The following GRM7 variants were observed in gnomAD, a reference collection of about 807,000 sequenced individuals.
GRM7 encodes the protein metabotropic glutamate receptor 7.
A neutral mutation model predicts 84.5 loss-of-function variants in GRM7; 35 were observed. The ratio of observed to expected loss-of-function variants is 0.41; its 90% CI spans 0.32 to 0.55. The LOEUF (loss-of-function observed/expected upper bound fraction) is 0.55, where lower values mean the gene tolerates loss of function less well. GRM7 is among the 20% of genes least tolerant of loss of function. The pLI is 0.19. For missense variants in GRM7, 1,003 were observed against 1,194.6 expected, an observed-to-expected ratio of 0.84 and a Z score of 2.36; for synonymous variants, 487 against 455.1, an observed-to-expected ratio of 1.07 and a Z score of -0.89.
chr3:6,881,663 A>C (rs1391870878), intron 1 of GRM7, among the ~76,000 whole-genome samples: 1 of 145,716 alleles, frequency 6.9e-6, no homozygotes, highest in East Asian at 2.0e-4. Flanking sequence ...GAAGACATTC[A>C]TGCAGCAAAC....
intron 4 of GRM7, among the ~76,000 whole-genome samples, chr3:7,363,705 T>C (rs73809076): frequency 0.037 from 5,615 of 152,146 alleles, 320 homozygotes; most frequent in African/African-American, 0.12. Context: ...CCTTCACCAA[T>C]ATGAGCATCT....
chr3:7,249,272 AT>A (rs1697890153), intron 2 of GRM7, among the ~76,000 whole-genome samples: 1 of 152,194 alleles, frequency 6.6e-6, no homozygotes, highest in Admixed American at 6.5e-5. Flanking sequence ...TTACTTTGCT[AT>A]TGAAAATAAA....
At chr3:7,508,541 A>G (rs1286679587) in intron 7 of GRM7, among the ~76,000 whole-genome samples, 3 of 152,206 alleles carry the variant, frequency 2.0e-5, no homozygotes, top group Non-Finnish European at 4.4e-5. Context: ...CTAAATACTC[A>G]TGAATGATTT....
At chr3:7,215,680 T>C (rs1696585485) in intron 2 of GRM7, among the ~76,000 whole-genome samples, 1 of 151,666 alleles carries the variant, frequency 6.6e-6, no homozygotes, top group South Asian at 2.1e-4. Flanking sequence ...AATAAATAAA[T>C]AAATAAATAA....
At chr3:7,567,957 C>G (rs191626365) in intron 7 of GRM7, among the ~76,000 whole-genome samples, 2 of 151,984 alleles carry the variant, frequency 1.3e-5, no homozygotes. Flanking sequence ...AGCAGGGTGT[C>G]CCAGTTTATG....
chr3:7,265,017 T>A (rs1698586557), intron 2 of GRM7, among the ~76,000 whole-genome samples: 1 of 152,264 alleles, frequency 6.6e-6, no homozygotes, highest in Non-Finnish European at 1.5e-5. Flanking sequence ...AGAACAGATA[T>A]TCAAAGTTAC....
intron 8 of GRM7, among the ~76,000 whole-genome samples, chr3:7,667,619 A>AT (rs963594399): frequency 1.1e-4 from 17 of 151,728 alleles, no homozygotes; most frequent in Admixed American, 2.6e-4. Flanking sequence ...TTTTCTAAGA[A>AT]TTTTTTTTTC....
Position 7,146,530 on chromosome 3 carries a change from C to A in GRM7, c.598C>A (p.Pro200Thr). The A allele has an allele frequency of 6.2e-7, 1 of 1,613,980 alleles. No homozygotes were observed. The highest frequency in any genetic ancestry group is 8.5e-7 in the Non-Finnish European group (1 of 1,179,932). Residue 200 changes from proline to threonine, a missense_variant, in exon 2 of 10, where the codon CCA (proline) becomes ACA (threonine). Around this residue, in one of 2 missense-constraint regions of GRM7, gnomAD observed 910 missense variants for 1,126.0 expected, o/e 0.81. Coordinates refer to ENST00000357716, the MANE Select transcript of GRM7 (RefSeq NM_000844.4). ...RRYDFFSRVV[P>T]PDSFQAQAMV... is the part of the protein sequence containing the mutation. ...CTATGACTTCTTCTCTCGCGTGGTG[C>A]CACCCGATTCCTTCCAAGCCCAGGC...
At chr3:7,728,487 C>T (rs1702206986) in intron 9 of GRM7, among the ~76,000 whole-genome samples, 1 of 152,112 alleles carries the variant, frequency 6.6e-6, no homozygotes, top group South Asian at 2.1e-4. Context: ...TATGAGGGCC[C>T]TGGTACTGGA....
chr3:6,921,348 C>T (rs887280787), intron 1 of GRM7, among the ~76,000 whole-genome samples: 2 of 152,090 alleles, frequency 1.3e-5, no homozygotes, highest in Admixed American at 6.6e-5. Context: ...CAGCAGTGCC[C>T]GGGAGATAGT....
At chr3:7,410,020 C>G (rs975103191) in intron 4 of GRM7, among the ~76,000 whole-genome samples, 3 of 152,150 alleles carry the variant, frequency 2.0e-5, no homozygotes, top group African/African-American at 7.2e-5. Context: ...GAGAGAGATG[C>G]ATTTCTCAGT....
At chr3:7,196,449 C>T (rs937271388) in intron 2 of GRM7, among the ~76,000 whole-genome samples, 2 of 152,136 alleles carry the variant, frequency 1.3e-5, no homozygotes, top group African/African-American at 4.8e-5. Flanking sequence ...AGTCTGGCCC[C>T]TGCCTAACTC....
At chr3:6,977,683 C>G (rs1340966049) in intron 1 of GRM7, among the ~76,000 whole-genome samples, 1 of 152,100 alleles carries the variant, frequency 6.6e-6, no homozygotes, top group Non-Finnish European at 1.5e-5. Flanking sequence ...CTGGATTTTA[C>G]TAGAATGGGC....
At chr3:7,707,943 T>G (rs1701442922) in intron 9 of GRM7, among the ~76,000 whole-genome samples, 1 of 151,300 alleles carries the variant, frequency 6.6e-6, no homozygotes, top group African/African-American at 2.4e-5. Flanking sequence ...TTTTTTTTTT[T>G]TTTTTTTTTT....
At chr3:7,496,699 G>A (rs976123) in intron 7 of GRM7, among the ~76,000 whole-genome samples, 1,640 of 151,990 alleles carry the variant, frequency 0.011, 13 homozygotes, top group Middle Eastern at 0.031. Context: ...TAATGCCCTT[G>A]TTTCCAAGAA....
At chr3:7,649,748 C>G (rs3864071) in intron 8 of GRM7, among the ~76,000 whole-genome samples, 21 of 152,104 alleles carry the variant, frequency 1.4e-4, no homozygotes, top group African/African-American at 3.6e-4. Context: ...ATCCTCCTCC[C>G]TAAAACTATT....
chr3:7,604,680 G>C (rs1207247529), intron 8 of GRM7, among the ~76,000 whole-genome samples: 1 of 152,154 alleles, frequency 6.6e-6, no homozygotes, highest in African/African-American at 2.4e-5. Context: ...TACCAGGCAA[G>C]GCTTTGGAGG....
At chr3:7,491,698 C>T (rs1699524139) in intron 7 of GRM7, among the ~76,000 whole-genome samples, 2 of 152,174 alleles carry the variant, frequency 1.3e-5, no homozygotes, top group Non-Finnish European at 2.9e-5. Flanking sequence ...CTCTACACAA[C>T]AGCTGTACGT....
In GRM7 at chr3:7,729,310, C is replaced by T. The variant is rs186083194; in HGVS notation, c.2699-11047C>T. Among the ~76,000 whole-genome samples, 289 of 152,266 alleles carry T rather than the reference C, an allele frequency of 1.9e-3. 1 individual carries two copies. The highest frequency in any genetic ancestry group is 6.1e-3 in the African/African-American group (253 of 41,574). ...TCTGGTTTCAGCTCTCATATTTGAA[C>T]GTGTCCTTTTCTCAGACTATTTAAC... is the stretch of plus-strand genomic sequence containing the variant. On this transcript the variant is annotated intron_variant, in intron 9 of 9. Transcript: ENST00000357716.
Sources: allele counts gnomAD v4.1 joint callset (sites outside exome capture counted in the v4.1 genomes callset), GRCh38; gene constraint gnomAD v4.1.1; regional missense constraint gnomAD v4.1.1; transcripts MANE v1.5; gene names NCBI Gene and HGNC (gene_info 2026-07-23, HGNC 2026-07-21).